The following CEP63 variants were observed in gnomAD, a reference collection of about 807,000 sequenced individuals.
CEP63 encodes the protein centrosomal protein 63.
In CEP63, 84 loss-of-function variants were observed where a neutral mutation model predicts 89.1. The ratio of observed to expected loss-of-function variants is 0.94; its 90% CI spans 0.79 to 1.13. The LOEUF is 1.13. Among genes scored for constraint, CEP63 ranks in the 50% most tolerant of loss-of-function variants. The pLI is 0.00. For missense variants in CEP63, 838 were observed against 813.3 expected, an observed-to-expected ratio of 1.03 and a Z score of -0.37; for synonymous variants, 267 against 272.5, an observed-to-expected ratio of 0.98 and a Z score of 0.20.
the CEP63 span, among the ~76,000 whole-genome samples, chr3:134,729,774 G>T: frequency 2.0e-5 from 3 of 152,220 alleles, no homozygotes; most frequent in Non-Finnish European, 2.9e-5. Context: ...CCAAAAGCCA[G>T]TTAGGGTCAG....
the CEP63 span, among the ~76,000 whole-genome samples, chr3:134,689,442 T>TTTATTATTATTATTATTATTA: frequency 9.4e-3 from 909 of 96,472 alleles, 1 homozygote; most frequent in Middle Eastern, 0.021. Context: ...AAGGACCTTA[T>TTTATTATTATTATTATTATTA]TTATTATTAT....
At chr3:134,503,100 C>CTTTTTTTTTTTTTTTTTTTTTT (rs34673408) in intron 2 of CEP63, among the ~76,000 whole-genome samples, 12 of 92,040 alleles carry the variant, frequency 1.3e-4, no homozygotes, top group East Asian at 3.7e-4. Flanking sequence ...TGATTTCAAT[C>CTTTTTTTTTTTTTTTTTTTTTT]TTTTTTTTTT....
the CEP63 span, among the ~76,000 whole-genome samples, chr3:134,703,873 CT>C: frequency 2.5e-3 from 387 of 152,206 alleles, 8 homozygotes; most frequent in Non-Finnish European, 3.7e-4. Context: ...AAGTATTTGC[CT>C]GCCAAAGGCT....
At chr3:134,611,974 T>C in the CEP63 span, among the ~76,000 whole-genome samples, 1 of 152,240 alleles carries the variant, frequency 6.6e-6, no homozygotes, top group Non-Finnish European at 1.5e-5. Flanking sequence ...TGGGATCAAA[T>C]GTGATGTCCT....
downstream of CEP63, among the ~76,000 whole-genome samples, chr3:134,567,774 C>T (rs981190806): frequency 5.3e-5 from 8 of 152,174 alleles, no homozygotes; most frequent in South Asian, 2.1e-4. Context: ...TCCTGTTAGG[C>T]GAGGTTGCAG....
chr3:134,499,216 A>C (rs1422444110), intron 2 of CEP63, among the ~76,000 whole-genome samples: 5 of 152,092 alleles, frequency 3.3e-5, no homozygotes, highest in Non-Finnish European at 7.4e-5. Flanking sequence ...CATGTTACTC[A>C]TTATTGGTCT....
intron 10 of CEP63, among the ~76,000 whole-genome samples, chr3:134,582,669 T>C (rs1958389570): frequency 6.6e-6 from 1 of 152,218 alleles, no homozygotes; most frequent in Non-Finnish European, 1.5e-5. Context: ...AGTAGCATGA[T>C]TTATAATCCT....
intron 10 of CEP63, 75 bp downstream of exon 10, chr3:134,549,251 G>A (rs1235297564): frequency 2.2e-6 from 2 of 916,688 alleles, no homozygotes; most frequent in African/African-American, 3.3e-5. Flanking sequence ...AGATTATAGG[G>A]GTTATTTTTA....
chr3:134,508,164 C>T (rs143905863), intron 3 of CEP63, among the ~76,000 whole-genome samples: 97 of 152,250 alleles, frequency 6.4e-4, no homozygotes, highest in African/African-American at 2.2e-3. Context: ...AAATGTTTCT[C>T]GTAACAAAGA....
chr3:134,575,824 G>A (rs1367852313), downstream of CEP63, among the ~76,000 whole-genome samples: 1 of 152,042 alleles, frequency 6.6e-6, no homozygotes, highest in Non-Finnish European at 1.5e-5. Flanking sequence ...TGTTGCCCAG[G>A]CTGGTCTCGA....
rs1231214008 is a variant in CEP63, at chr3:134,581,679, A to ATTTTTTTTTTT, written c.1207-5775_1207-5765dup. On this transcript the variant is annotated intron_variant, in intron 10 of 10. Transcript: ENST00000683931. The stretch of plus-strand genomic sequence containing the variant: ...CTCAATACACATTCATGATGAAAAC[A>ATTTTTTTTTTT]TTTTTTTTTTTTTTGAGACGGAGTC... 2.9e-3 allele frequency among the ~76,000 whole-genome samples: 364 copies of ATTTTTTTTTTT among 124,166 alleles called. 28 individuals are homozygous for ATTTTTTTTTTT. The highest frequency in any genetic ancestry group is 0.012 in the African/African-American group (357 of 30,902). The allele number at this position is 124,166 out of a possible 152,430, so 81.5% of individuals were successfully genotyped here.
chr3:134,731,255 C>G, the CEP63 span, among the ~76,000 whole-genome samples: 1 of 152,112 alleles, frequency 6.6e-6, no homozygotes, highest in Non-Finnish European at 1.5e-5. Context: ...GTATGATAAA[C>G]TTGATTCAGT....
At position 134,507,247 on chromosome 3, in the gene CEP63, T is replaced by G. The variant is rs753634018; in HGVS notation, c.183T>G (p.Leu61=). 6.2e-7 allele frequency: 1 copy of G among 1,613,834 alleles called. No homozygotes were observed. Among genetic ancestry groups the G allele is most frequent in the Admixed American group, 1.7e-5 (1 of 60,014 alleles). The change falls in exon 3 of 15, where the codon CTT becomes CTG. Residue 61 remains leucine, a synonymous_variant. Transcript: ENST00000675561. ...ETCLKIREQE[L]KSLRSQLDVT... The stretch of plus-strand genomic sequence containing the variant: ...GCTTGAAAATCCGTGAACAGGAACT[T>G]AAGAGTCTTAGGAGTCAGTTGGATG...
intron 6 of CEP63, among the ~76,000 whole-genome samples, chr3:134,541,602 G>GCCTCCCAGATCAAACGATCCTCCT (rs1559987325): frequency 4.2e-5 from 6 of 142,352 alleles, no homozygotes; most frequent in African/African-American, 1.6e-4. Flanking sequence ...TGCAACCTCC[G>GCCTCCCAGATCAAACGATCCTCCT]CCTCCCAGAT....
chr3:134,506,268 A>G (rs1306715233), intron 2 of CEP63, among the ~76,000 whole-genome samples: 2 of 152,358 alleles, frequency 1.3e-5, no homozygotes, highest in East Asian at 1.9e-4. Flanking sequence ...GGTAGACTAC[A>G]GTAAGTTTCT....
At chr3:134,528,361 C>G (rs9863786) in intron 3 of CEP63, among the ~76,000 whole-genome samples, 100,220 of 152,040 alleles carry the variant, frequency 0.66, 33,431 homozygotes, top group East Asian at 0.81. Context: ...TTTTCTCCCC[C>G]GTTCTTTGTC....
At chr3:134,714,496 C>T in the CEP63 span, among the ~76,000 whole-genome samples, 1 of 152,164 alleles carries the variant, frequency 6.6e-6, no homozygotes, top group African/African-American at 2.4e-5. Context: ...CAGGCCCCGG[C>T]CCCACCTCAG....
chr3:134,772,159 A>G, the CEP63 span, among the ~76,000 whole-genome samples: 1 of 152,182 alleles, frequency 6.6e-6, no homozygotes, highest in African/African-American at 2.4e-5. Context: ...CTGAAATGTC[A>G]GTCTTGGCTG....
At chr3:134,534,118 G>A (rs1346025393) in intron 5 of CEP63, among the ~76,000 whole-genome samples, 6 of 152,000 alleles carry the variant, frequency 3.9e-5, no homozygotes, top group South Asian at 2.1e-4. Flanking sequence ...AATAGTCATC[G>A]TCTGACCTCT....
Sources: gnomAD v4.1 joint callset for allele counts (sites outside exome capture counted in the v4.1 genomes callset) on GRCh38, gnomAD v4.1.1 for gene constraint, MANE v1.5 for transcripts, NCBI Gene and HGNC (gene_info 2026-07-23, HGNC 2026-07-21) for gene names.